DGKB: variants seen among roughly 807,000 people sequenced by gnomAD.
DGKB encodes 90 kDa diacylglycerol kinase.
A neutral mutation model predicts 114.3 loss-of-function variants in DGKB; 67 were observed. That is an observed-to-expected ratio of 0.59 (90% CI 0.48 to 0.72). The LOEUF is 0.72. DGKB is among the 30% of genes least tolerant of loss of function. DGKB has a pLI of 0.00. For missense variants in DGKB, 907 were observed against 975.2 expected, an observed-to-expected ratio of 0.93 and a Z score of 0.93; for synonymous variants, 398 against 323.1, an observed-to-expected ratio of 1.23 and a Z score of -2.49.
intron 1 of DGKB, among the ~76,000 whole-genome samples, chr7:14,859,513 G>A (rs1850669469): frequency 6.6e-6 from 1 of 152,106 alleles, no homozygotes; most frequent in Non-Finnish European, 1.5e-5. Context: ...TATAGAATGT[G>A]CAAGAGTGAC....
chr7:14,615,996 T>C (rs1806436368), intron 15 of DGKB, among the ~76,000 whole-genome samples: 1 of 151,226 alleles, frequency 6.6e-6, no homozygotes, highest in Non-Finnish European at 1.5e-5. Context: ...GGAAATATCT[T>C]ACATTAATAT....
intron 23 of DGKB, among the ~76,000 whole-genome samples, chr7:14,259,706 G>C (rs939439592): frequency 6.6e-6 from 1 of 152,124 alleles, no homozygotes; most frequent in African/African-American, 2.4e-5. Context: ...GATTACAGGC[G>C]TGAGCCACCG....
Position 14,345,377 on chromosome 7 carries a change from A to C in DGKB, c.1850T>G (p.Phe617Cys). The part of the protein sequence containing the change: ...EKFNSRMKNK[F>C]WYFEFGTSET... Reference sequence around the variant, plus strand: ...AGATGTGCCAAACTCAAAATACCAAAATTTGTTCTTCATTCTGAAAAAGAA... The same window carrying C: ...AGATGTGCCAAACTCAAAATACCAACATTTGTTCTTCATTCTGAAAAAGAA... Residue 617 changes from phenylalanine to cysteine, a missense_variant, in exon 22 of 26, where the codon TTT (phenylalanine) becomes TGT (cysteine). Coordinates refer to ENST00000402815, the MANE Select transcript of DGKB (RefSeq NM_001350709.2). The C allele has an allele frequency of 1.3e-6, 2 of 1,538,458 alleles. No homozygotes were observed. The highest frequency in any genetic ancestry group is 1.8e-6 in the Non-Finnish European group (2 of 1,138,858).
chr7:14,270,352 AGCCTCTCTT>A (rs781667500), intron 23 of DGKB, among the ~76,000 whole-genome samples: 1 of 152,132 alleles, frequency 6.6e-6, no homozygotes, highest in Non-Finnish European at 1.5e-5. Context: ...GAACCTTCTT[AGCCTCTCTT>A]GCCTCTCTTT....
intron 23 of DGKB, among the ~76,000 whole-genome samples, chr7:14,275,036 G>T (rs140594275): frequency 6.6e-6 from 1 of 151,528 alleles, no homozygotes; most frequent in African/African-American, 2.4e-5. Context: ...TGTTGTCCTA[G>T]ATGAAAGTAT....
intron 1 of DGKB, among the ~76,000 whole-genome samples, chr7:14,916,656 A>G (rs1784252849): frequency 6.6e-6 from 1 of 152,114 alleles, no homozygotes; most frequent in African/African-American, 2.4e-5. Context: ...GAGGCAAAAA[A>G]TGATAGAAAG....
chr7:14,747,373 T>TA (rs397945029), intron 4 of DGKB, among the ~76,000 whole-genome samples: 1 of 151,736 alleles, frequency 6.6e-6, no homozygotes, highest in African/African-American at 2.4e-5. Flanking sequence ...TTTTTTTTTT[T>TA]AATTTTCTAA....
At chr7:14,171,757 A>C (rs963115912) in intron 25 of DGKB, among the ~76,000 whole-genome samples, 4 of 152,254 alleles carry the variant, frequency 2.6e-5, no homozygotes, top group African/African-American at 9.6e-5. Context: ...AAGAAGATTT[A>C]GTAGAAAAAC....
intron 1 of DGKB, among the ~76,000 whole-genome samples, chr7:14,964,810 C>T (rs1051609523): frequency 2.6e-5 from 4 of 152,060 alleles, no homozygotes; most frequent in Non-Finnish European, 5.9e-5. Context: ...ATCAATGACA[C>T]TCAAGATTTA....
intron 23 of DGKB, among the ~76,000 whole-genome samples, chr7:14,337,341 T>G (rs1810860044): frequency 6.6e-6 from 1 of 152,148 alleles, no homozygotes; most frequent in Non-Finnish European, 1.5e-5. Flanking sequence ...GAGTATGTAA[T>G]TTTTTAATTG....
intron 20 of DGKB, among the ~76,000 whole-genome samples, chr7:14,531,953 T>C (rs1791654697): frequency 1.3e-5 from 2 of 151,084 alleles, no homozygotes; most frequent in South Asian, 4.1e-4. Flanking sequence ...GCTAGTGAGA[T>C]AATTAGATAC....
chr7:14,642,989 G>C (rs1355665761), intron 13 of DGKB, among the ~76,000 whole-genome samples: 1 of 152,094 alleles, frequency 6.6e-6, no homozygotes. Context: ...ACACCATCAA[G>C]ATGGCTGACT....
chr7:14,542,529 G>T (rs1793628928), intron 20 of DGKB, among the ~76,000 whole-genome samples: 1 of 152,114 alleles, frequency 6.6e-6, no homozygotes, highest in East Asian at 1.9e-4. Context: ...TAGAGAAGAA[G>T]ATTTTCTATA....
chr7:14,941,809 G>T (rs78674804), intron 1 of DGKB, among the ~76,000 whole-genome samples: 5 of 152,002 alleles, frequency 3.3e-5, no homozygotes, highest in Admixed American at 3.3e-4. Flanking sequence ...AAATGATTTA[G>T]ATACAGATGA....
At chr7:14,406,937 A>T (rs1824033432) in intron 21 of DGKB, among the ~76,000 whole-genome samples, 2 of 152,146 alleles carry the variant, frequency 1.3e-5, no homozygotes. Context: ...ATTGGTTGAG[A>T]ATATAATCAA....
At chr7:14,189,345 GTCAAT>G (rs1668275119) in intron 23 of DGKB, among the ~76,000 whole-genome samples, 4 of 152,094 alleles carry the variant, frequency 2.6e-5, no homozygotes, top group Non-Finnish European at 5.9e-5. Context: ...TCTTAAAATA[GTCAAT>G]TCTAACTACA....
At chr7:14,464,654 C>A (rs933788598) in intron 21 of DGKB, among the ~76,000 whole-genome samples, 2 of 152,150 alleles carry the variant, frequency 1.3e-5, no homozygotes, top group African/African-American at 4.8e-5. Context: ...ATCAGGATTT[C>A]TCCGTGTACT....
intron 23 of DGKB, among the ~76,000 whole-genome samples, chr7:14,188,524 G>T (rs558220569): frequency 6.9e-6 from 1 of 144,928 alleles, no homozygotes; most frequent in African/African-American, 2.5e-5. Flanking sequence ...GCCGGGCGTG[G>T]TGGCGGGCGC....
chr7:14,949,998 T>C (rs553502865), intron 1 of DGKB, among the ~76,000 whole-genome samples: 38 of 151,946 alleles, frequency 2.5e-4, no homozygotes, highest in African/African-American at 8.0e-4. Context: ...ATATACCTAA[T>C]GTAAATGATG....
Sources: allele counts gnomAD v4.1 joint callset (sites outside exome capture counted in the v4.1 genomes callset), GRCh38; gene constraint gnomAD v4.1.1; transcripts MANE v1.5; gene names NCBI Gene and HGNC (gene_info 2026-07-23, HGNC 2026-07-21).